ITGA9: variants seen among roughly 807,000 people sequenced by gnomAD.
ITGA9 encodes the protein integrin alpha-9.
In ITGA9, 56 loss-of-function variants were observed where a neutral mutation model predicts 127.8. That is an observed-to-expected ratio of 0.44 (90% CI 0.35 to 0.55). ITGA9 has a LOEUF of 0.55. Among genes scored for constraint, ITGA9 ranks in the 20% least tolerant of loss-of-function variants. The pLI is 0.00. For missense variants in ITGA9, 1,196 were observed against 1,347.1 expected, an observed-to-expected ratio of 0.89 and a Z score of 1.76; for synonymous variants, 508 against 514.5, an observed-to-expected ratio of 0.99 and a Z score of 0.17.
In ITGA9 at chr3:37,453,884, T is replaced by A. The variant is rs1167508984; in HGVS notation, c.185+1325T>A. 4.6e-5 allele frequency among the ~76,000 whole-genome samples: 7 copies of A among 152,256 alleles called. No individual in the cohort carries two copies. In the South Asian group the frequency reaches 1.0e-3, roughly 23 times the overall value. On this transcript the variant is annotated intron_variant, in intron 1 of 27. Coordinates refer to ENST00000264741, the MANE Select transcript of ITGA9 (RefSeq NM_002207.3). ...CCAGTTTTCAAAGCCCTCACATAGC[T>A]CTCGCCCAGCTCCACATCTCCCTCT... is the stretch of plus-strand genomic sequence containing the variant.
intron 15 of ITGA9, among the ~76,000 whole-genome samples, chr3:37,590,251 A>G (rs776844196): frequency 2.0e-5 from 3 of 152,162 alleles, no homozygotes; most frequent in Non-Finnish European, 4.4e-5. Context: ...CTCCCCATGG[A>G]GCCTCATGCT....
intron 15 of ITGA9, among the ~76,000 whole-genome samples, chr3:37,615,395 G>T (rs1236946518): frequency 6.6e-6 from 1 of 152,098 alleles, no homozygotes; most frequent in South Asian, 2.1e-4. Flanking sequence ...TTTTTACATC[G>T]ATGTTCATCA....
intron 7 of ITGA9, among the ~76,000 whole-genome samples, chr3:37,506,905 G>A (rs532788614): frequency 6.6e-6 from 1 of 152,300 alleles, no homozygotes; most frequent in East Asian, 1.9e-4. Context: ...GCTTGGAGAA[G>A]TGGAATCTGG....
chr3:37,814,621 G>A lies in ITGA9; in HGVS notation c.3010-4270G>A, dbSNP rs573562650. Among the ~76,000 whole-genome samples the A allele has an allele frequency of 1.8e-4, 28 of 152,152 alleles. No individual in the cohort carries two copies. The highest frequency in any genetic ancestry group is 7.2e-4 in the Admixed American group (11 of 15,272). ...GACAGAGCCACCACTAGACTATAGG[G>A]TACCTTTGTGCAAACTATAATAGTA... On this transcript the variant is annotated intron_variant, in intron 27 of 27. Coordinates refer to ENST00000264741, the MANE Select transcript of ITGA9 (RefSeq NM_002207.3). This position sits in a 1 kb window ranked among gnomAD's most constrained non-coding sequence, Gnocchi z 4.3.
intron 27 of ITGA9, chr3:37,807,594 A>T (rs1379154771): frequency 6.6e-6 from 1 of 152,444 alleles, no homozygotes; most frequent in Non-Finnish European, 1.5e-5. Context: ...CGAGAGAGAG[A>T]TCTGGGGCTG....
intron 12 of ITGA9, among the ~76,000 whole-genome samples, chr3:37,525,655 T>G (rs1699085771): frequency 6.6e-6 from 1 of 152,262 alleles, no homozygotes; most frequent in Non-Finnish European, 1.5e-5. Flanking sequence ...AAGTTAATTT[T>G]ATTAATTTTT....
intron 15 of ITGA9, among the ~76,000 whole-genome samples, chr3:37,611,099 G>T (rs1038485654): frequency 6.6e-6 from 1 of 152,202 alleles, no homozygotes; most frequent in East Asian, 1.9e-4. Flanking sequence ...GACTGTAGGT[G>T]TAGGGTTAGT....
At chr3:37,710,207 A>G (rs1020144092) in intron 18 of ITGA9, among the ~76,000 whole-genome samples, 1 of 152,162 alleles carries the variant, frequency 6.6e-6, no homozygotes, top group Non-Finnish European at 1.5e-5. Flanking sequence ...CCCATCTTAC[A>G]GGGGTGACAG....
At chr3:37,473,318 C>T (rs189738061) in intron 2 of ITGA9, 36 bp from the exon 3 acceptor site, 121 of 1,569,232 alleles carry the variant, frequency 7.7e-5, no homozygotes, top group Middle Eastern at 3.3e-4. Flanking sequence ...AACATCACTC[C>T]TCAACCCAAG....
intron 14 of ITGA9, among the ~76,000 whole-genome samples, chr3:37,539,031 G>A (rs955646248): frequency 6.6e-6 from 1 of 152,196 alleles, no homozygotes. Flanking sequence ...AGGAGCAGCA[G>A]TTGCCTTGTC....
intron 15 of ITGA9, among the ~76,000 whole-genome samples, chr3:37,590,226 A>G (rs902064807): frequency 5.9e-5 from 9 of 152,184 alleles, no homozygotes; most frequent in Non-Finnish European, 7.4e-5. Flanking sequence ...CCTTGACTCT[A>G]CTGGGCTCTC....
chr3:37,530,731 T>G (rs1208846304), intron 13 of ITGA9, among the ~76,000 whole-genome samples: 3 of 11,802 alleles, frequency 2.5e-4, no homozygotes, highest in African/African-American at 4.9e-4. Flanking sequence ...TTTTTTTTTT[T>G]TTTTTTTTTT....
At chr3:37,594,188 C>T (rs1264833391) in intron 15 of ITGA9, among the ~76,000 whole-genome samples, 1 of 152,186 alleles carries the variant, frequency 6.6e-6, no homozygotes, top group East Asian at 1.9e-4. Context: ...GGAGGCTTTT[C>T]ACGTGGGGGT....
chr3:37,793,890 TAA>T (rs1697142737), intron 26 of ITGA9, among the ~76,000 whole-genome samples: 1 of 152,054 alleles, frequency 6.6e-6, no homozygotes, highest in African/African-American at 2.4e-5. Flanking sequence ...CTTTACCCTC[TAA>T]AAGTGAGGCA....
At chr3:37,638,870 AT>A (rs1174336040) in intron 16 of ITGA9, among the ~76,000 whole-genome samples, 1 of 152,180 alleles carries the variant, frequency 6.6e-6, no homozygotes, top group Non-Finnish European at 1.5e-5. Context: ...TTACTGATTA[AT>A]CTGAGGCTTT....
At chr3:37,659,108 C>T (rs1051150378) in intron 17 of ITGA9, among the ~76,000 whole-genome samples, 21 of 152,160 alleles carry the variant, frequency 1.4e-4, no homozygotes, top group Admixed American at 4.6e-4. Flanking sequence ...CTGCCCTTAA[C>T]ATTTTTTCCT....
At chr3:37,530,464 G>T (rs1699138672) in intron 13 of ITGA9, among the ~76,000 whole-genome samples, 2 of 152,166 alleles carry the variant, frequency 1.3e-5, no homozygotes, top group Admixed American at 1.3e-4. Flanking sequence ...GAGAAAACCT[G>T]GCTGAGGCTT....
chr3:37,702,580 C>G (rs1310336598), intron 18 of ITGA9, among the ~76,000 whole-genome samples: 1 of 151,404 alleles, frequency 6.6e-6, no homozygotes, highest in East Asian at 1.9e-4. Flanking sequence ...ATGCAATTCT[C>G]TAAAGGGAAA....
At chr3:37,623,018 C>G (rs1394213899) in intron 15 of ITGA9, among the ~76,000 whole-genome samples, 1 of 151,922 alleles carries the variant, frequency 6.6e-6, no homozygotes. Flanking sequence ...TTCCTTTTTC[C>G]TCTCCATGCT....
Sources: gnomAD v4.1 joint callset for allele counts (sites outside exome capture counted in the v4.1 genomes callset) on GRCh38, gnomAD v4.1.1 for gene constraint, Gnocchi (gnomAD v3.1) non-coding constraint, MANE v1.5 for transcripts, NCBI Gene and HGNC (gene_info 2026-07-23, HGNC 2026-07-21) for gene names.